The following PDE1C variants were observed in gnomAD, a reference collection of about 807,000 sequenced individuals.
PDE1C encodes phosphodiesterase 1C.
Under a neutral mutation model 93.1 loss-of-function variants are expected in PDE1C, and 62 were observed. The observed-to-expected ratio is 0.67, with a 90% CI of 0.54 to 0.82. The LOEUF (loss-of-function observed/expected upper bound fraction) is 0.82. Among genes scored for constraint, PDE1C ranks in the 40% least tolerant of loss-of-function variants. The pLI is 0.00. For missense variants in PDE1C, 742 were observed against 884.6 expected (o/e 0.84, Z 2.04); for synonymous variants, 325 against 310.1 (o/e 1.05, Z -0.50).
chr7:31,812,958 C>G (rs1473844334), intron 15 of PDE1C, among the ~76,000 whole-genome samples: 1 of 152,116 alleles, frequency 6.6e-6, no homozygotes, highest in Non-Finnish European at 1.5e-5. Flanking sequence ...TTTCACTTCT[C>G]TGAGACTCAG....
At chr7:32,419,346 T>C (rs1369013135) in intron 1 of PDE1C, among the ~76,000 whole-genome samples, 2 of 152,120 alleles carry the variant, frequency 1.3e-5, no homozygotes, top group African/African-American at 2.4e-5. Flanking sequence ...ACTCAAAAAA[T>C]AGTAGGTATA....
chr7:31,964,840 C>T (rs1158329053), intron 2 of PDE1C, among the ~76,000 whole-genome samples: 4 of 152,206 alleles, frequency 2.6e-5, no homozygotes, highest in Admixed American at 2.0e-4. Flanking sequence ...GATACCCAGG[C>T]AAACAGGGTC....
At chr7:31,974,667 A>G (rs1340174654) in intron 2 of PDE1C, among the ~76,000 whole-genome samples, 1 of 152,178 alleles carries the variant, frequency 6.6e-6, no homozygotes, top group Non-Finnish European at 1.5e-5. Context: ...CCTCTGGCCT[A>G]TGTCCCTTAA....
chr7:32,205,122 A>C (rs989336790), intron 2 of PDE1C, among the ~76,000 whole-genome samples: 2 of 152,190 alleles, frequency 1.3e-5, no homozygotes, highest in African/African-American at 4.8e-5. Context: ...CCAGGTTATC[A>C]GGGCCAATAT....
chr7:32,191,894 C>T lies in PDE1C; in HGVS notation c.136+17595G>A, dbSNP rs113411043. ...GATCACCATTTTTATTTTAGCTGTT[C>T]GGGTAGGTGTGCAGTGGTATCTCAT... is the stretch of plus-strand genomic sequence containing the variant. On this transcript the variant is annotated intron_variant, in intron 2 of 18. Transcript: ENST00000396193. Among the ~76,000 whole-genome samples, 652 of 152,208 alleles carry T rather than the reference C, an allele frequency of 4.3e-3. 5 individuals carry two copies. The highest frequency in any genetic ancestry group is 0.015 in the African/African-American group (609 of 41,516).
At chr7:32,042,648 A>C (rs1791982593) in intron 2 of PDE1C, among the ~76,000 whole-genome samples, 1 of 152,202 alleles carries the variant, frequency 6.6e-6, no homozygotes, top group South Asian at 2.1e-4. Flanking sequence ...CTCATTAATT[A>C]AGTGAATTTA....
At chr7:32,307,478 G>A (rs987070424) in intron 1 of PDE1C, among the ~76,000 whole-genome samples, 2 of 152,126 alleles carry the variant, frequency 1.3e-5, no homozygotes, top group Non-Finnish European at 2.9e-5. Flanking sequence ...GCAAGGGGTG[G>A]GTGACATCTG....
chr7:31,745,332 C>T, the PDE1C span, among the ~76,000 whole-genome samples: 1 of 152,182 alleles, frequency 6.6e-6, no homozygotes, highest in Non-Finnish European at 1.5e-5. Flanking sequence ...TTTGGTACCA[C>T]ATCCTCTCAT....
intron 2 of PDE1C, among the ~76,000 whole-genome samples, chr7:31,951,876 C>T (rs1244552128): frequency 6.6e-6 from 1 of 152,132 alleles, no homozygotes; most frequent in Non-Finnish European, 1.5e-5. Flanking sequence ...TCTTACACCC[C>T]CTTCCCTCTT....
intron 1 of PDE1C, among the ~76,000 whole-genome samples, chr7:32,387,208 A>G (rs1458005303): frequency 1.3e-5 from 2 of 151,896 alleles, no homozygotes; most frequent in South Asian, 2.1e-4. Flanking sequence ...TCACAGATCA[A>G]CAGGATCCCA....
chr7:32,289,668 C>T (rs75280895), intron 1 of PDE1C, among the ~76,000 whole-genome samples: 19,380 of 151,984 alleles, frequency 0.13, 1,419 homozygotes, highest in East Asian at 0.31. Context: ...TGCAATGAAA[C>T]CCTTACTTAT....
At chr7:32,226,308 A>G (rs1199388438) in intron 1 of PDE1C, among the ~76,000 whole-genome samples, 1 of 152,204 alleles carries the variant, frequency 6.6e-6, no homozygotes. Flanking sequence ...CATTGAGAAG[A>G]AACTAAATGA....
chr7:32,360,543 C>G (rs1298864153), intron 1 of PDE1C, among the ~76,000 whole-genome samples: 2 of 152,164 alleles, frequency 1.3e-5, no homozygotes, highest in Non-Finnish European at 2.9e-5. Flanking sequence ...AAAGCCAAAG[C>G]TTTGGAGGAG....
chr7:32,155,531 T>C (rs1801514799), intron 3 of PDE1C, among the ~76,000 whole-genome samples: 1 of 152,320 alleles, frequency 6.6e-6, no homozygotes, highest in East Asian at 1.9e-4. Context: ...TCAGTGCTGA[T>C]GGCCCAGTGA....
intron 1 of PDE1C, among the ~76,000 whole-genome samples, chr7:32,403,640 G>A (rs1784994143): frequency 6.6e-6 from 1 of 152,140 alleles, no homozygotes. Context: ...TATTGGCTGA[G>A]TTCACCCTTC....
chr7:32,317,786 G>A (rs1411909495), intron 1 of PDE1C, among the ~76,000 whole-genome samples: 1 of 152,136 alleles, frequency 6.6e-6, no homozygotes, highest in Non-Finnish European at 1.5e-5. Flanking sequence ...TCATATGACT[G>A]TTGTGAGGAC....
chr7:32,384,221 A>G (rs2128091013), intron 1 of PDE1C, among the ~76,000 whole-genome samples: 1 of 152,332 alleles, frequency 6.6e-6, no homozygotes, highest in Middle Eastern at 3.4e-3. Flanking sequence ...AGGTAAATAA[A>G]TAAACATGGT....
At chr7:32,218,895 A>G (rs934773264) in intron 1 of PDE1C, among the ~76,000 whole-genome samples, 1 of 152,094 alleles carries the variant, frequency 6.6e-6, no homozygotes, top group Non-Finnish European at 1.5e-5. Flanking sequence ...TCTCCCTCCC[A>G]TCTGTTGGGC....
chr7:32,171,594 A>G (rs1381280685), intron 2 of PDE1C, among the ~76,000 whole-genome samples: 1 of 150,616 alleles, frequency 6.6e-6, no homozygotes, highest in Non-Finnish European at 1.5e-5. Context: ...TGAAATTATT[A>G]TTTTACTTAA....
Sources: gnomAD v4.1 joint callset for allele counts (sites outside exome capture counted in the v4.1 genomes callset) on GRCh38, gnomAD v4.1.1 for gene constraint, MANE v1.5 for transcripts, NCBI Gene and HGNC (gene_info 2026-07-23, HGNC 2026-07-21) for gene names.